Variants in SH3D19 observed in about 807,000 individuals in gnomAD.
SH3D19 encodes SH3 domain-containing protein 19.
Under a neutral mutation model 112.1 loss-of-function variants are expected in SH3D19, and 58 were observed. The observed-to-expected ratio is 0.52, with a 90% CI of 0.42 to 0.64. The LOEUF is 0.64. Among genes scored for constraint, SH3D19 ranks in the 30% least tolerant of loss-of-function variants. The pLI is 0.00. For synonymous variants in SH3D19, 391 were observed against 448.5 expected (o/e 0.87, Z 1.62); for missense variants, 1,090 against 1,263.4 (o/e 0.86, Z 2.08).
chr4:151,183,685 G>A (rs1375905390), intron 3 of SH3D19, among the ~76,000 whole-genome samples: 1 of 152,212 alleles, frequency 6.6e-6, no homozygotes, highest in Non-Finnish European at 1.5e-5. Context: ...AAATACCCTT[G>A]CTATAGAACT....
At chr4:151,158,015 G>A (rs1756441997) in intron 9 of SH3D19, among the ~76,000 whole-genome samples, 1 of 152,128 alleles carries the variant, frequency 6.6e-6, no homozygotes, top group South Asian at 2.1e-4. Context: ...ATAAATTCTA[G>A]TGTTCTATAC....
rs2126423655 is a variant in SH3D19 at position 151,325,391 on chromosome 4, G to A, written c.-39C>T. 4 of 1,091,746 alleles carry A rather than the reference G, an allele frequency of 3.7e-6. No individual in the cohort carries two copies. Among genetic ancestry groups the A allele is most frequent in the East Asian group, 3.7e-5 (1 of 27,342 alleles). 67.6% of individuals were successfully genotyped at this position (1,091,746 alleles called of 1,614,324 possible). On this transcript the variant is annotated 5_prime_UTR_variant, in exon 1 of 20. Coordinates refer to ENST00000604030, the MANE Select transcript of SH3D19 (RefSeq NM_001378122.1). ...GGCGCAGCCGCGGGATGGCCAGCGAGCTGCGGCCCCGGCGCCCCAGAACGC... is the reference window on the plus strand; with the variant it reads ...GGCGCAGCCGCGGGATGGCCAGCGAACTGCGGCCCCGGCGCCCCAGAACGC...
intron 12 of SH3D19, 82 bp downstream of exon 12, chr4:151,143,828 C>T: frequency 1.4e-6 from 2 of 1,435,290 alleles, no homozygotes; most frequent in South Asian, 1.4e-5. Context: ...TAATAAAAAC[C>T]TGAAGATGAG....
intron 1 of SH3D19, among the ~76,000 whole-genome samples, chr4:151,232,920 G>A (rs768271494): frequency 4.6e-5 from 7 of 152,276 alleles, no homozygotes; most frequent in Admixed American, 6.5e-5. Context: ...CCATTAATGC[G>A]GGGGTCCCCA....
Position 151,174,758 on chromosome 4 carries a change from G to A in SH3D19, c.1446C>T (p.Asp482=), listed in dbSNP as rs528209100. 2.1e-5 allele frequency: 32 copies of A among 1,532,722 alleles called. No individual in the cohort carries two copies. Among genetic ancestry groups the A allele is most frequent in the South Asian group, 2.6e-5 (2 of 76,218 alleles). The allele number at this position is 1,532,722 out of a possible 1,614,324, so 94.9% of individuals were successfully genotyped here. ...CATCATCAAAGCTGATGAGATCGAT[G>A]TCCACCAAGGGCTTGCTCTGCAGAA... ...VPVLQSKPLV[D]IDLISFDDDV... is the part of the protein sequence containing the mutation. Residue 482 remains aspartate (D), a synonymous_variant, in exon 7 of 20, where the codon GAC becomes GAT. Transcript: ENST00000604030.
chr4:151,236,672 A>G (rs1313990486), intron 1 of SH3D19, among the ~76,000 whole-genome samples: 2 of 151,792 alleles, frequency 1.3e-5, no homozygotes, highest in African/African-American at 2.4e-5. Context: ...AAATGCACCA[A>G]TCAGCACTCT....
At chr4:151,125,467 G>GAAACA (rs140748469) in intron 19 of SH3D19, among the ~76,000 whole-genome samples, 1,970 of 106,698 alleles carry the variant, frequency 0.018, 39 homozygotes, top group African/African-American at 0.054. Context: ...CCCTGTCTCA[G>GAAACA]AAACAAAACA....
chr4:151,199,190 T>C (rs1425764810), intron 2 of SH3D19, among the ~76,000 whole-genome samples: 2 of 152,160 alleles, frequency 1.3e-5, no homozygotes, highest in African/African-American at 2.4e-5. Flanking sequence ...CAAAGAAGTA[T>C]GTTTTAGGAT....
intron 1 of SH3D19, among the ~76,000 whole-genome samples, chr4:151,251,604 C>T (rs1296431519): frequency 6.6e-6 from 1 of 152,166 alleles, no homozygotes; most frequent in African/African-American, 2.4e-5. Context: ...TTACTCTCTA[C>T]ACCCCCTTCA....
In SH3D19 at chr4:151,286,655, T is replaced by C. The variant is rs552826502; in HGVS notation, c.112+38586A>G. ...AAAGACCAGGTCCAGATAGAATTCA[T>C]TGATGAATTCTACCAAACATTTAAA... On this transcript the variant is annotated intron_variant, in intron 1 of 19. Transcript: ENST00000604030. 5.8e-4 allele frequency among the ~76,000 whole-genome samples: 87 copies of C among 150,972 alleles called. 1 individual carries two copies. The highest frequency in any genetic ancestry group is 1.8e-3 in the Admixed American group (28 of 15,180).
chr4:151,219,701 T>G (rs1468933746), intron 2 of SH3D19, among the ~76,000 whole-genome samples: 1 of 152,212 alleles, frequency 6.6e-6, no homozygotes, highest in Non-Finnish European at 1.5e-5. Flanking sequence ...GTATGCGTAG[T>G]TTTTCTTTAT....
At chr4:151,216,488 A>C (rs1767126492) in intron 2 of SH3D19, among the ~76,000 whole-genome samples, 1 of 152,228 alleles carries the variant, frequency 6.6e-6, no homozygotes, top group Non-Finnish European at 1.5e-5. Context: ...TGTATAAACA[A>C]CTACTTCTAA....
At chr4:151,131,577 C>T (rs182161569) in intron 17 of SH3D19, among the ~76,000 whole-genome samples, 2 of 151,802 alleles carry the variant, frequency 1.3e-5, no homozygotes, top group Non-Finnish European at 1.5e-5. Flanking sequence ...AACTCTGCCC[C>T]CCGGGTTCAC....
chr4:151,179,355 C>G lies in SH3D19; in HGVS notation c.236G>C (p.Arg79Thr). 1 of 1,227,276 alleles carries G rather than the reference C, an allele frequency of 8.1e-7. No individual in the cohort carries two copies. The highest frequency in any genetic ancestry group is 4.1e-5 in the South Asian group (1 of 24,190). 76.0% of individuals were successfully genotyped at this position (1,227,276 alleles called of 1,614,324 possible). ...SIQSELHRDR[R>T]RPEITIVAAE... ...TCCTCCATTATAAATATAACCATACCTTCTATCTCGATGAAGTTCACTCTG... is the reference window on the plus strand; with the variant it reads ...TCCTCCATTATAAATATAACCATACGTTCTATCTCGATGAAGTTCACTCTG... The change falls in exon 4 of 20, where the codon AGG becomes ACG. Residue 79 changes from arginine to threonine, a missense_variant and splice_region_variant. By Grantham distance (71) the Arg-to-Thr change is moderately conservative (BLOSUM62 -1). Transcript: ENST00000604030.
Position 151,185,007 on chromosome 4 carries a change from T to C in SH3D19, c.193+2416A>G, listed in dbSNP as rs139607306. Among the ~76,000 whole-genome samples, 29 of 149,644 alleles carry C rather than the reference T, an allele frequency of 1.9e-4. No individual in the cohort carries two copies. The East Asian group carries it at 5.8e-3, about 30-fold the overall frequency. On this transcript the variant is annotated intron_variant, in intron 3 of 19. Coordinates refer to ENST00000604030, the MANE Select transcript of SH3D19 (RefSeq NM_001378122.1). ...GATTCACCTGTTCCTTTTAAAATCT[T>C]CTCCTTTGACCTCTAAAACACAGCT...
chr4:151,230,097 A>G (rs1014479032), intron 1 of SH3D19, among the ~76,000 whole-genome samples: 3 of 152,156 alleles, frequency 2.0e-5, no homozygotes, highest in Admixed American at 1.3e-4. Flanking sequence ...TCTGTGTAAG[A>G]ACTCCAGATT....
chr4:151,301,133 G>C (rs554881461), intron 1 of SH3D19, among the ~76,000 whole-genome samples: 3 of 152,316 alleles, frequency 2.0e-5, no homozygotes, highest in South Asian at 2.1e-4. Context: ...GGGCCTGATG[G>C]GGGGTGATTG....
chr4:151,214,182 G>T (rs985637197), intron 2 of SH3D19, among the ~76,000 whole-genome samples: 3 of 152,008 alleles, frequency 2.0e-5, no homozygotes, highest in African/African-American at 7.2e-5. Context: ...ACAGGGCTGG[G>T]GGGTAAGGTC....
chr4:151,135,994 A>G (rs1306113179), intron 14 of SH3D19, among the ~76,000 whole-genome samples: 1 of 149,744 alleles, frequency 6.7e-6, no homozygotes, highest in Admixed American at 6.7e-5. Context: ...TCAAAAACAA[A>G]ACAAAACAAA....
Sources: allele counts gnomAD v4.1 joint callset (sites outside exome capture counted in the v4.1 genomes callset), GRCh38; gene constraint gnomAD v4.1.1; transcripts MANE v1.5; gene names NCBI Gene and HGNC (gene_info 2026-07-23, HGNC 2026-07-21).